The following CERS6 variants were observed in gnomAD, a reference collection of about 807,000 sequenced individuals.
CERS6 encodes the protein LAG1 homolog, ceramide synthase 6.
A neutral mutation model predicts 56.8 loss-of-function variants in CERS6; 26 were observed. The observed-to-expected ratio is 0.46, with a 90% confidence interval of 0.34 to 0.63. The LOEUF (loss-of-function observed/expected upper bound fraction) is 0.63. CERS6 is among the 30% of genes least tolerant of loss of function. The pLI is 0.01. For synonymous variants in CERS6, 164 were observed against 173.3 expected, an observed-to-expected ratio of 0.95 and a Z score of 0.42; for missense variants, 415 against 467.5, an observed-to-expected ratio of 0.89 and a Z score of 1.04.
At chr2:168,748,140 C>G (rs1180560901) in intron 8 of CERS6, among the ~76,000 whole-genome samples, 1 of 152,110 alleles carries the variant, frequency 6.6e-6, no homozygotes. Flanking sequence ...GGAGCTAGGC[C>G]CTGTACACTC....
At chr2:168,642,795 T>C (rs938702511) in intron 4 of CERS6, among the ~76,000 whole-genome samples, 1 of 152,232 alleles carries the variant, frequency 6.6e-6, no homozygotes, top group Admixed American at 6.5e-5. Context: ...ATTGTGCTTA[T>C]AATGACTTAC....
At chr2:168,680,401 G>T (rs918957) in intron 4 of CERS6, among the ~76,000 whole-genome samples, 129,283 of 152,216 alleles carry the variant, frequency 0.85, 55,108 homozygotes, top group Non-Finnish European at 0.88. Context: ...AAGGAAAAAT[G>T]ATGATGTTGG....
chr2:168,752,854 A>T (rs1684315350), intron 8 of CERS6, among the ~76,000 whole-genome samples: 1 of 151,936 alleles, frequency 6.6e-6, no homozygotes, highest in South Asian at 2.1e-4. Flanking sequence ...CTGCTTTCTT[A>T]CTTTTTCCCA....
chr2:168,672,651 A>T (rs1012945366), intron 4 of CERS6, among the ~76,000 whole-genome samples: 1 of 152,210 alleles, frequency 6.6e-6, no homozygotes, highest in Non-Finnish European at 1.5e-5. Context: ...TCCTAGTTTC[A>T]TTAATCACCA....
At chr2:168,615,862 A>C (rs761749525) in intron 3 of CERS6, among the ~76,000 whole-genome samples, 2 of 152,212 alleles carry the variant, frequency 1.3e-5, no homozygotes, top group Non-Finnish European at 2.9e-5. Flanking sequence ...TACAAGACAC[A>C]CAAAGAACAT....
chr2:168,635,362 T>G (rs1244908385), intron 4 of CERS6, among the ~76,000 whole-genome samples: 1 of 152,218 alleles, frequency 6.6e-6, no homozygotes, highest in Non-Finnish European at 1.5e-5. Flanking sequence ...AATGAACTGC[T>G]ACTGCTGGAG....
intron 4 of CERS6, among the ~76,000 whole-genome samples, chr2:168,685,130 T>C (rs1038237110): frequency 3.3e-5 from 5 of 152,200 alleles, no homozygotes; most frequent in African/African-American, 1.2e-4. Flanking sequence ...CTGGGCTTTG[T>C]GAAAGCTAGG....
At chr2:168,699,620 C>T (rs568047718) in intron 6 of CERS6, among the ~76,000 whole-genome samples, 23 of 151,970 alleles carry the variant, frequency 1.5e-4, no homozygotes, top group Admixed American at 1.5e-3. Flanking sequence ...GCTGTATTTC[C>T]ATATAGAATC....
intron 4 of CERS6, among the ~76,000 whole-genome samples, chr2:168,637,675 T>C (rs1233743605): frequency 6.6e-6 from 1 of 152,144 alleles, no homozygotes; most frequent in Non-Finnish European, 1.5e-5. Flanking sequence ...AATTAAATTA[T>C]CAAAGTGACA....
chr2:168,534,836 T>C (rs1695231436), intron 1 of CERS6, among the ~76,000 whole-genome samples: 1 of 152,190 alleles, frequency 6.6e-6, no homozygotes, highest in African/African-American at 2.4e-5. Context: ...GAGGAAAGGC[T>C]AAGTCTGCTG....
At chr2:168,511,953 C>T (rs201239064) in intron 1 of CERS6, among the ~76,000 whole-genome samples, 1 of 8,174 alleles carries the variant, frequency 1.2e-4, no homozygotes, top group African/African-American at 1.5e-4. Flanking sequence ...TGCACGTGCA[C>T]ACACACACAC....
chr2:168,741,947 G>C (rs576150835), intron 8 of CERS6, among the ~76,000 whole-genome samples: 3 of 152,152 alleles, frequency 2.0e-5, no homozygotes, highest in African/African-American at 7.2e-5. Context: ...TGAGCATGTC[G>C]CTGGCAGCTC....
At chr2:168,537,270 T>C (rs1377485910) in intron 1 of CERS6, among the ~76,000 whole-genome samples, 1 of 152,226 alleles carries the variant, frequency 6.6e-6, no homozygotes, top group Non-Finnish European at 1.5e-5. Context: ...TTAAGCTATT[T>C]ACCATTTTCC....
At chr2:168,656,560 G>A (rs965645233) in intron 4 of CERS6, among the ~76,000 whole-genome samples, 6 of 152,018 alleles carry the variant, frequency 3.9e-5, no homozygotes, top group South Asian at 4.2e-4. Context: ...TTAAGGTAGC[G>A]CGTCTGGAGT....
intron 1 of CERS6, among the ~76,000 whole-genome samples, chr2:168,464,387 T>C (rs1256489637): frequency 6.6e-6 from 1 of 152,066 alleles, no homozygotes; most frequent in Non-Finnish European, 1.5e-5. Flanking sequence ...TTTCGAACTC[T>C]TGATCTCAAG....
At chr2:168,717,513 C>T (rs1271115706) in intron 7 of CERS6, among the ~76,000 whole-genome samples, 1 of 152,184 alleles carries the variant, frequency 6.6e-6, no homozygotes, top group Non-Finnish European at 1.5e-5. Context: ...GGCCAGATTT[C>T]TGTTTTGGTG....
chr2:168,515,871 T>C (rs1694875888), intron 1 of CERS6, among the ~76,000 whole-genome samples: 1 of 151,718 alleles, frequency 6.6e-6, no homozygotes. Flanking sequence ...TCTGGTGACT[T>C]TTTTGAGAAG....
chr2:168,476,646 G>C (rs117255113), intron 1 of CERS6, among the ~76,000 whole-genome samples: 1 of 152,124 alleles, frequency 6.6e-6, no homozygotes, highest in Admixed American at 6.5e-5. Context: ...GCCTGAGAAC[G>C]TAGTAGGGAC....
intron 1 of CERS6, among the ~76,000 whole-genome samples, chr2:168,517,511 A>AATT (rs1553486935): frequency 6.9e-6 from 1 of 144,606 alleles, no homozygotes; most frequent in East Asian, 2.8e-4. Context: ...ATAAATAAAT[A>AATT]AATAAATAAA....
Sources: allele counts gnomAD v4.1 joint callset (sites outside exome capture counted in the v4.1 genomes callset), GRCh38; gene constraint gnomAD v4.1.1; transcripts MANE v1.5; gene names NCBI Gene and HGNC (gene_info 2026-07-23, HGNC 2026-07-21).